Variants in UBE3B observed in about 807,000 individuals in gnomAD.
The protein encoded by UBE3B is ubiquitin-protein ligase E3B.
A neutral mutation model predicts 132.3 loss-of-function variants in UBE3B; 80 were observed. That is an observed-to-expected ratio of 0.60 (90% CI 0.50 to 0.73). The LOEUF is 0.73. Among genes scored for constraint, UBE3B ranks in the 30% least tolerant of loss-of-function variants. The pLI is 0.00. For missense variants in UBE3B, 1,196 were observed against 1,362.5 expected (o/e 0.88, Z 1.92); for synonymous variants, 487 against 520.4 (o/e 0.94, Z 0.87).
intron 13 of UBE3B, 122 bp from the exon 14 acceptor site, chr12:109,502,901 G>T: frequency 2.5e-6 from 3 of 1,189,502 alleles, no homozygotes; most frequent in Non-Finnish European, 3.7e-6. Context: ...AATTGAGTGA[G>T]TTGCCCCACT....
chr12:109,505,263 CTGTT>C (rs755911353), intron 14 of UBE3B, among the ~76,000 whole-genome samples: 7 of 152,270 alleles, frequency 4.6e-5, no homozygotes, highest in African/African-American at 1.7e-4. Context: ...TAGGAAGTGT[CTGTT>C]TGTGCTCCTC....
intron 26 of UBE3B, among the ~76,000 whole-genome samples, chr12:109,533,196 C>T (rs1883125332): frequency 6.6e-6 from 1 of 152,210 alleles, no homozygotes; most frequent in Non-Finnish European, 1.5e-5. Flanking sequence ...TGTTCCTACT[C>T]TGCAGTCACA....
intron 4 of UBE3B, 23 bp from the exon 5 acceptor site, chr12:109,485,989 A>AC: frequency 6.4e-7 from 1 of 1,551,486 alleles, no homozygotes; most frequent in Non-Finnish European, 8.7e-7. Context: ...GGAATGTATA[A>AC]CCCCCAGTGT....
At chr12:109,497,204 A>G (rs1273773298) in intron 9 of UBE3B, among the ~76,000 whole-genome samples, 1 of 151,992 alleles carries the variant, frequency 6.6e-6, no homozygotes, top group Non-Finnish European at 1.5e-5. Flanking sequence ...TAATTCTACA[A>G]CCAGAGATAC....
Position 109,490,046 on chromosome 12 carries a change from C to A in UBE3B, c.630+42C>A, listed in dbSNP as rs557336733. On this transcript the variant is annotated intron_variant, in intron 8 of 27. Transcript: ENST00000342494. ...CCCCAGTGTGCAACTTCTCCACTCT[C>A]CAACACCTGCACTTGGATTTTTACA... is the stretch of plus-strand genomic sequence containing the variant. 3 of 1,571,630 alleles carry A rather than the reference C, an allele frequency of 1.9e-6. No individual in the cohort carries two copies. In the South Asian group the frequency reaches 3.3e-5, roughly 17 times the overall value.
chr12:109,526,523 C>A (rs1199374424), intron 24 of UBE3B, 107 bp downstream of exon 24: 1 of 1,159,472 alleles, frequency 8.6e-7, no homozygotes, highest in African/African-American at 1.5e-5. Context: ...TAGAAAGAGG[C>A]CATAAATATC....
chr12:109,525,203 A>AC (rs1566110911), intron 23 of UBE3B, among the ~76,000 whole-genome samples: 1 of 152,136 alleles, frequency 6.6e-6, no homozygotes. Context: ...GTCTGTAAGC[A>AC]CCGCTGGGAG....
At chr12:109,507,332 A>G (rs1879813999) in intron 14 of UBE3B, among the ~76,000 whole-genome samples, 1 of 152,250 alleles carries the variant, frequency 6.6e-6, no homozygotes, top group African/African-American at 2.4e-5. Flanking sequence ...CAAACAATAC[A>G]TACGGAGTGC....
Position 109,486,088 on chromosome 12 carries a change from C to A in UBE3B, c.342+17C>A, listed in dbSNP as rs373137217. On this transcript the variant is annotated intron_variant, in intron 5 of 27. Transcript: ENST00000342494. ...GAGCCTAAGGTAAGTGGACGGGAGC[C>A]GCAGTGTCTCCCACAAGCTCTTAAG... 10 of 1,556,508 alleles carry A rather than the reference C, an allele frequency of 6.4e-6. No individual in the cohort carries two copies. The highest frequency in any genetic ancestry group is 1.4e-5 in the African/African-American group (1 of 73,346).
At chr12:109,499,520 A>C in intron 11 of UBE3B, 113 bp from the exon 12 acceptor site, 1 of 1,117,846 alleles carries the variant, frequency 8.9e-7, no homozygotes, top group Non-Finnish European at 1.2e-6. Context: ...CCTTATGTGG[A>C]AATTTCTTGC....
At chr12:109,509,544 C>A in intron 15 of UBE3B, 52 bp from the exon 16 acceptor site, 1 of 1,273,358 alleles carries the variant, frequency 7.9e-7, no homozygotes, top group South Asian at 1.4e-5. Flanking sequence ...GATTTTTTTT[C>A]TCTTCGCCTT....
chr12:109,492,313 G>T (rs537505112), intron 9 of UBE3B: 2 of 150,590 alleles, frequency 1.3e-5, no homozygotes. Flanking sequence ...AATGCTCAGC[G>T]GCCACATGTA....
chr12:109,501,691 G>T (rs553096680), intron 13 of UBE3B, among the ~76,000 whole-genome samples, 157 bp downstream of exon 13: 18 of 152,176 alleles, frequency 1.2e-4, no homozygotes, highest in African/African-American at 4.3e-4. Context: ...TCACTGTATT[G>T]CCCAGGCTAC....
At chr12:109,516,175 T>C (rs1013171822) in intron 18 of UBE3B, among the ~76,000 whole-genome samples, 11 of 137,400 alleles carry the variant, frequency 8.0e-5, no homozygotes, top group African/African-American at 1.4e-4. Context: ...TTCTTTTTTT[T>C]TTTTTTTTTT....
intron 9 of UBE3B, among the ~76,000 whole-genome samples, chr12:109,495,992 A>C (rs1440894563): frequency 3.3e-5 from 5 of 152,220 alleles, no homozygotes; most frequent in African/African-American, 9.6e-5. Flanking sequence ...GCCTATTCCC[A>C]AAAATCACCA....
chr12:109,498,453 CA>C (rs1160459412), intron 11 of UBE3B, 100 bp downstream of exon 11: 4 of 1,372,604 alleles, frequency 2.9e-6, no homozygotes, highest in Non-Finnish European at 3.0e-6. Flanking sequence ...TTTTCTGTAA[CA>C]ATTGGAAGTG....
chr12:109,535,986 A>G lies in UBE3B; in HGVS notation c.*1204A>G, dbSNP rs1324544981. 1 of 152,216 alleles carries G rather than the reference A, an allele frequency of 6.6e-6. No homozygotes were observed. The highest frequency in any genetic ancestry group is 1.5e-5 in the Non-Finnish European group (1 of 68,068). The allele number at this position is 152,216 out of a possible 1,614,324, so 9.4% of individuals were successfully genotyped here. On this transcript the variant is annotated 3_prime_UTR_variant, in exon 28 of 28. Transcript: ENST00000342494. Reference sequence around the variant, plus strand: ...TCATGCTCCTGCACCTGCACCACCAAGGTTGATGCCGGATTCGAAGCCAGG... The same window carrying G: ...TCATGCTCCTGCACCTGCACCACCAGGGTTGATGCCGGATTCGAAGCCAGG...
At chr12:109,485,942 G>T in intron 4 of UBE3B, 70 bp from the exon 5 acceptor site, 2 of 1,535,414 alleles carry the variant, frequency 1.3e-6, no homozygotes, top group Non-Finnish European at 1.8e-6. Context: ...CCCGCTGAAG[G>T]CTTGTTTTCT....
intron 21 of UBE3B, 130 bp from the exon 22 acceptor site, chr12:109,523,848 T>A: frequency 7.5e-7 from 1 of 1,338,720 alleles, no homozygotes; most frequent in Non-Finnish European, 1.0e-6. Flanking sequence ...GCCCTCCGGA[T>A]TGGAAACTTA....
Sources: gnomAD v4.1 joint callset for allele counts (sites outside exome capture counted in the v4.1 genomes callset) on GRCh38, gnomAD v4.1.1 for gene constraint, MANE v1.5 for transcripts, NCBI Gene and HGNC (gene_info 2026-07-23, HGNC 2026-07-21) for gene names.